Variants in PARM1 observed in about 807,000 individuals in gnomAD.
The protein encoded by PARM1 is prostate androgen-regulated mucin-like protein 1, also known as WSC4, cell wall integrity and stress response component 4 homolog.
Under a neutral mutation model 24.6 loss-of-function variants are expected in PARM1, and 14 were observed. The observed-to-expected ratio is 0.57, with a 90% CI of 0.38 to 0.89. The LOEUF (loss-of-function observed/expected upper bound fraction) is 0.89. Among genes scored for constraint, PARM1 ranks in the 40% least tolerant of loss-of-function variants. The pLI, the probability that PARM1 is intolerant of heterozygous loss-of-function variation, is 0.00. For synonymous variants in PARM1, 179 were observed against 156.6 expected (o/e 1.14, Z -1.07); for missense variants, 362 against 380.4 (o/e 0.95, Z 0.40).
rs572891110 is a variant in PARM1 at position 74,978,836 on chromosome 4, G to T, written c.44-33589G>T. On this transcript the variant is annotated intron_variant, in intron 1 of 3. Coordinates refer to ENST00000307428, the MANE Select transcript of PARM1 (RefSeq NM_015393.4). ...AAAACCACACAATTTCATCAAAATT[G>T]AACAACCTGCTCCTGAATGACTCCT... Among the ~76,000 whole-genome samples, 21 of 152,222 alleles carry T rather than the reference G, an allele frequency of 1.4e-4. 1 individual carries two copies. The South Asian group carries it at 4.4e-3, about 32-fold the overall frequency.
intron 3 of PARM1, among the ~76,000 whole-genome samples, chr4:75,042,501 T>G (rs1723510141): frequency 6.6e-6 from 1 of 152,164 alleles, no homozygotes; most frequent in Admixed American, 6.5e-5. Flanking sequence ...TAAATAACAT[T>G]GACAAAGTCA....
At chr4:75,045,503 T>A (rs115771559) in intron 3 of PARM1, among the ~76,000 whole-genome samples, 1,838 of 152,304 alleles carry the variant, frequency 0.012, 17 homozygotes, top group Non-Finnish European at 0.021. Flanking sequence ...TCAACTAAGG[T>A]GCTAATGAGA....
chr4:74,955,677 G>A (rs550375766), intron 1 of PARM1, among the ~76,000 whole-genome samples: 1 of 152,232 alleles, frequency 6.6e-6, no homozygotes, highest in African/African-American at 2.4e-5. Flanking sequence ...CTTCCAACAC[G>A]TCGATCACTC....
At chr4:74,955,145 G>A (rs578075610) in intron 1 of PARM1, among the ~76,000 whole-genome samples, 6 of 151,970 alleles carry the variant, frequency 3.9e-5, no homozygotes, top group African/African-American at 1.4e-4. Context: ...GATTTAACAG[G>A]GAGGATAAAT....
intron 1 of PARM1, among the ~76,000 whole-genome samples, chr4:74,943,096 T>C (rs1431740828): frequency 2.0e-5 from 3 of 152,210 alleles, no homozygotes; most frequent in Non-Finnish European, 4.4e-5. Context: ...TTTTGTCAAA[T>C]GTCACCTTCT....
rs528971754 is a variant in PARM1, at chr4:74,979,134, G to A, written c.44-33291G>A. Reference sequence around the variant, plus strand: ...GAGAGGAACAGAAGGAGATAGAGACGCACACACACACACAAAAAAAAACCT... The same window carrying A: ...GAGAGGAACAGAAGGAGATAGAGACACACACACACACACAAAAAAAAACCT... On this transcript the variant is annotated intron_variant, in intron 1 of 3. Transcript: ENST00000307428. Among the ~76,000 whole-genome samples the A allele has an allele frequency of 2.4e-4, 36 of 148,636 alleles. No individual in the cohort carries two copies. The South Asian group carries it at 6.2e-3, about 26-fold the overall frequency.
intron 1 of PARM1, among the ~76,000 whole-genome samples, chr4:74,994,946 G>A (rs1578043314): frequency 6.6e-6 from 1 of 152,248 alleles, no homozygotes; most frequent in African/African-American, 2.4e-5. Flanking sequence ...GTTGTTTCCT[G>A]GCGCTCAGCT....
At chr4:75,008,479 G>A (rs574637561) in intron 1 of PARM1, among the ~76,000 whole-genome samples, 5 of 152,308 alleles carry the variant, frequency 3.3e-5, no homozygotes, top group African/African-American at 1.2e-4. Flanking sequence ...CACTGGAAAC[G>A]ACAATGCAAG....
intron 1 of PARM1, among the ~76,000 whole-genome samples, chr4:74,974,846 G>A (rs1348739504): frequency 6.6e-6 from 1 of 152,148 alleles, no homozygotes; most frequent in African/African-American, 2.4e-5. Flanking sequence ...ACACCAGAGA[G>A]CCTGCTCTCT....
intron 1 of PARM1, among the ~76,000 whole-genome samples, chr4:74,976,118 G>A (rs1722134513): frequency 6.6e-6 from 1 of 152,138 alleles, no homozygotes; most frequent in Non-Finnish European, 1.5e-5. Flanking sequence ...TCAGGGCCTT[G>A]GATCCTGAGC....
At chr4:75,008,105 A>C (rs1452256561) in intron 1 of PARM1, among the ~76,000 whole-genome samples, 7 of 152,222 alleles carry the variant, frequency 4.6e-5, no homozygotes, top group Non-Finnish European at 7.3e-5. Flanking sequence ...TTGTATTGGA[A>C]ATAGACCTAC....
At chr4:75,004,118 A>G (rs1219330385) in intron 1 of PARM1, among the ~76,000 whole-genome samples, 1 of 152,208 alleles carries the variant, frequency 6.6e-6, no homozygotes, top group Non-Finnish European at 1.5e-5. Context: ...GGTCATTTTC[A>G]TGGAGCTTGC....
Position 74,950,208 on chromosome 4 carries a change from C to CTTT in PARM1, c.43+16838_43+16839insTTT, listed in dbSNP as rs1721495742. ...TTCCTGAGGCTGCCATAACAAATTA[C>CTTT]CATAAACTCGGAAAGCTTAAAACAA... On this transcript the variant is annotated intron_variant, in intron 1 of 3. Coordinates refer to ENST00000307428, the MANE Select transcript of PARM1 (RefSeq NM_015393.4). 1.4e-4 allele frequency among the ~76,000 whole-genome samples: 22 copies of CTTT among 152,276 alleles called. No individual in the cohort carries two copies. In the South Asian group the frequency reaches 4.6e-3, roughly 32 times the overall value.
chr4:75,002,610 T>A (rs1309967196), intron 1 of PARM1, among the ~76,000 whole-genome samples: 1 of 152,162 alleles, frequency 6.6e-6, no homozygotes, highest in Non-Finnish European at 1.5e-5. Flanking sequence ...AATCAGAGTG[T>A]CTGTCTTTGT....
intron 1 of PARM1, among the ~76,000 whole-genome samples, chr4:74,954,012 G>A (rs972301957): frequency 6.6e-6 from 1 of 152,202 alleles, no homozygotes; most frequent in East Asian, 1.9e-4. Flanking sequence ...ATGTACTACA[G>A]CTTAAGACAT....
intron 1 of PARM1, among the ~76,000 whole-genome samples, chr4:74,954,446 G>A (rs1452550284): frequency 1.3e-5 from 2 of 152,124 alleles, no homozygotes; most frequent in Non-Finnish European, 2.9e-5. Context: ...CTTTGCTGAG[G>A]ACTTACTGCA....
intron 1 of PARM1, among the ~76,000 whole-genome samples, chr4:74,992,006 A>G (rs1354782823): frequency 6.6e-6 from 1 of 152,180 alleles, no homozygotes; most frequent in Non-Finnish European, 1.5e-5. Flanking sequence ...CCAGGAAAAC[A>G]CTTGCATTTA....
intron 2 of PARM1, among the ~76,000 whole-genome samples, chr4:75,015,247 A>G (rs982724078): frequency 6.6e-6 from 1 of 152,188 alleles, no homozygotes. Flanking sequence ...TTCTGTTCTA[A>G]TATCTTGGCT....
chr4:75,019,459 G>T (rs868399900), intron 2 of PARM1, among the ~76,000 whole-genome samples: 2 of 152,190 alleles, frequency 1.3e-5, no homozygotes, highest in African/African-American at 4.8e-5. Flanking sequence ...ATAAAGAGAA[G>T]CACACACAAC....
Sources: gnomAD v4.1 joint callset for allele counts (sites outside exome capture counted in the v4.1 genomes callset) on GRCh38, gnomAD v4.1.1 for gene constraint, MANE v1.5 for transcripts, NCBI Gene and HGNC (gene_info 2026-07-23, HGNC 2026-07-21) for gene names.